Variants in GNAO1 observed in about 807,000 individuals in gnomAD.
The protein encoded by GNAO1 is G protein subunit alpha o1, also known as guanine nucleotide-binding protein G(o) subunit alpha.
For synonymous variants in GNAO1, 164 were observed against 180.7 expected (o/e 0.91, Z 0.74); for missense variants, 166 against 478.7 (o/e 0.35, Z 6.10).
In GNAO1 at chr16:56,286,695, CTGTGTGTGTGTG is replaced by C. The variant is rs57968280; in HGVS notation, c.303+10649_303+10660del. Among the ~76,000 whole-genome samples, 62 of 145,000 alleles carry C rather than the reference CTGTGTGTGTGTG, an allele frequency of 4.3e-4. 1 individual carries two copies. Among genetic ancestry groups the C allele is most frequent in the African/African-American group, 1.1e-3 (43 of 39,402 alleles). On this transcript the variant is annotated intron_variant, in intron 3 of 8. Coordinates refer to ENST00000262493, the MANE Select transcript of GNAO1 (RefSeq NM_020988.3). ...CAGTCTCTTTCTGTCTCTGTCGCCT[CTGTGTGTGTGTG>C]TGTGTGTGTGTGTGTGTGTGTGTGT...
At chr16:56,228,339 G>C (rs2036553659) in intron 2 of GNAO1, among the ~76,000 whole-genome samples, 1 of 152,038 alleles carries the variant, frequency 6.6e-6, no homozygotes, top group African/African-American at 2.4e-5. Flanking sequence ...AAAGATGTTT[G>C]AGCTGGTAAC....
intron 2 of GNAO1, among the ~76,000 whole-genome samples, chr16:56,233,071 A>G (rs1198946148): frequency 1.3e-5 from 2 of 152,254 alleles, no homozygotes; most frequent in African/African-American, 2.4e-5. Flanking sequence ...GAATCCTGCC[A>G]TCACCAGGCA....
At position 56,356,542 on chromosome 16, in the gene GNAO1, A is replaced by T. The variant is rs1286005201; in HGVS notation, c.*468A>T. On this transcript the variant is annotated 3_prime_UTR_variant, in exon 9 of 9. Coordinates refer to ENST00000262493, the MANE Select transcript of GNAO1 (RefSeq NM_020988.3). ...CGGGCTTTCCAGAAGGCCACAGGCC[A>T]CTGCAAACCCTGCTGCCTGCCGGCC... 1 of 152,572 alleles carries T rather than the reference A, an allele frequency of 6.6e-6. No homozygotes were observed. Among genetic ancestry groups the T allele is most frequent in the Non-Finnish European group, 1.5e-5 (1 of 68,144 alleles). 9.5% of individuals were successfully genotyped at this position (152,572 alleles called of 1,614,324 possible).
chr16:56,344,319 G>T, intron 6 of GNAO1: 1 of 1,112,354 alleles, frequency 9.0e-7, no homozygotes, highest in Admixed American at 4.3e-5. Context: ...CTTGGGTGGT[G>T]CAGGGGCGCA....
intron 2 of GNAO1, among the ~76,000 whole-genome samples, chr16:56,201,438 C>T (rs1182951438): frequency 1.3e-5 from 2 of 152,124 alleles, no homozygotes; most frequent in African/African-American, 4.8e-5. Context: ...GGACAGAAAC[C>T]AGATCATGAA....
At chr16:56,295,476 A>C (rs1258212444) in intron 3 of GNAO1, among the ~76,000 whole-genome samples, 1 of 151,580 alleles carries the variant, frequency 6.6e-6, no homozygotes, top group Non-Finnish European at 1.5e-5. Context: ...ACCTGTTACC[A>C]CTCCTGTTGC....
At chr16:56,208,635 A>G (rs1438916440) in intron 2 of GNAO1, among the ~76,000 whole-genome samples, 1 of 152,222 alleles carries the variant, frequency 6.6e-6, no homozygotes, top group Non-Finnish European at 1.5e-5. Context: ...CTTGCTGCCA[A>G]TATTTGGTAC....
intron 4 of GNAO1, chr16:56,329,114 C>G (rs1404693251): frequency 4.3e-6 from 1 of 231,902 alleles, no homozygotes; most frequent in African/African-American, 2.2e-5. Context: ...AGTGTAGCAG[C>G]TTTGTTTTTT....
chr16:56,222,652 G>A (rs568298143), intron 2 of GNAO1, among the ~76,000 whole-genome samples: 19 of 152,206 alleles, frequency 1.2e-4, no homozygotes, highest in East Asian at 9.7e-4. Flanking sequence ...CTTGAGGCTC[G>A]CCCTGGAGCC....
intron 2 of GNAO1, among the ~76,000 whole-genome samples, chr16:56,210,749 A>G (rs982945021): frequency 6.6e-6 from 1 of 152,326 alleles, no homozygotes; most frequent in South Asian, 2.1e-4. Flanking sequence ...GCTTTGGCCC[A>G]CTTTTTAATT....
chr16:56,278,338 GCCTCCCTGGCACTC>G (rs1396108417), intron 3 of GNAO1, among the ~76,000 whole-genome samples: 2 of 152,202 alleles, frequency 1.3e-5, no homozygotes. Context: ...GTGGGCAAAG[GCCTCCCTGGCACTC>G]AGGCACCCCC....
At chr16:56,289,143 G>A (rs1040898180) in intron 3 of GNAO1, among the ~76,000 whole-genome samples, 7 of 152,174 alleles carry the variant, frequency 4.6e-5, no homozygotes, top group East Asian at 1.9e-4. Flanking sequence ...TCCCACAGCC[G>A]CTGGGCTGTT....
intron 2 of GNAO1, among the ~76,000 whole-genome samples, chr16:56,247,785 A>T (rs143379129): frequency 1.8e-3 from 267 of 152,306 alleles, no homozygotes; most frequent in Non-Finnish European, 3.4e-3. Flanking sequence ...ATTTGCAAAC[A>T]TCCTGCCTAA....
intron 2 of GNAO1, among the ~76,000 whole-genome samples, chr16:56,238,452 C>T (rs1206312768): frequency 6.6e-6 from 1 of 152,224 alleles, no homozygotes; most frequent in Non-Finnish European, 1.5e-5. Context: ...AAGCACATGA[C>T]CACAGCACCA....
intron 3 of GNAO1, among the ~76,000 whole-genome samples, chr16:56,283,062 A>G (rs764926779): frequency 2.0e-5 from 3 of 152,238 alleles, no homozygotes; most frequent in Non-Finnish European, 4.4e-5. Context: ...ACTCAGGGAC[A>G]TATGTTAAGA....
intron 2 of GNAO1, among the ~76,000 whole-genome samples, chr16:56,231,859 G>C (rs1229349120): frequency 1.3e-5 from 2 of 152,148 alleles, no homozygotes; most frequent in Non-Finnish European, 2.9e-5. Context: ...GGCAGGATAG[G>C]GCCCTTGGCA....
At chr16:56,237,915 T>G (rs1236087058) in intron 2 of GNAO1, among the ~76,000 whole-genome samples, 1 of 152,232 alleles carries the variant, frequency 6.6e-6, no homozygotes, top group African/African-American at 2.4e-5. Flanking sequence ...GGGGTACCAC[T>G]TGTATAGTCT....
intron 2 of GNAO1, among the ~76,000 whole-genome samples, chr16:56,217,939 A>G (rs1247851745): frequency 6.6e-6 from 1 of 152,258 alleles, no homozygotes; most frequent in African/African-American, 2.4e-5. Context: ...GTAAAGTCCC[A>G]TAAGGGACAG....
intron 2 of GNAO1, among the ~76,000 whole-genome samples, chr16:56,267,516 C>G (rs1011814001): frequency 6.6e-6 from 1 of 152,134 alleles, no homozygotes; most frequent in Admixed American, 6.5e-5. Context: ...GACCACACAG[C>G]GTTGTCTCCA....
Sources: allele counts gnomAD v4.1 joint callset (sites outside exome capture counted in the v4.1 genomes callset), GRCh38; gene constraint gnomAD v4.1.1; transcripts MANE v1.5; gene names NCBI Gene and HGNC (gene_info 2026-07-23, HGNC 2026-07-21).